The following SLC24A2 variants were observed in gnomAD, a reference collection of about 807,000 sequenced individuals.
The protein encoded by SLC24A2 is solute carrier family 24 member 2, also known as sodium/potassium/calcium exchanger 2.
A neutral mutation model predicts 62.0 loss-of-function variants in SLC24A2; 36 were observed. The ratio of observed to expected loss-of-function variants is 0.58; its 90% CI spans 0.44 to 0.77. SLC24A2 has a LOEUF of 0.77. Ranked by LOEUF, SLC24A2 falls within the 30% of genes least tolerant of loss-of-function variation. The probability of loss-of-function intolerance (pLI) is 0.00; values close to 1 mark genes in which losing one functional copy is unlikely to be tolerated. For missense variants in SLC24A2, 846 were observed against 817.9 expected (o/e 1.03, Z -0.42); for synonymous variants, 358 against 294.0 (o/e 1.22, Z -2.23).
chr9:19,997,591 A>C, the SLC24A2 span, among the ~76,000 whole-genome samples: 2 of 152,146 alleles, frequency 1.3e-5, no homozygotes, highest in Non-Finnish European at 2.9e-5. Flanking sequence ...CCAGTCACAG[A>C]TCCACTATTA....
the SLC24A2 span, among the ~76,000 whole-genome samples, chr9:20,101,978 T>A: frequency 3.3e-5 from 5 of 152,162 alleles, no homozygotes; most frequent in Admixed American, 1.3e-4. Context: ...TCTTTCAGTG[T>A]TCCTAGGAGC....
chr9:20,149,259 G>C, the SLC24A2 span, among the ~76,000 whole-genome samples: 31 of 152,116 alleles, frequency 2.0e-4, no homozygotes, highest in Non-Finnish European at 3.8e-4. Flanking sequence ...TGGCCGTTGG[G>C]ATTCAGTTCT....
chr9:19,550,975 G>A (rs537902232), intron 7 of SLC24A2, among the ~76,000 whole-genome samples: 3 of 152,134 alleles, frequency 2.0e-5, no homozygotes, highest in Admixed American at 6.5e-5. Flanking sequence ...TTCTATGTGT[G>A]GTAACATTCC....
the SLC24A2 span, among the ~76,000 whole-genome samples, chr9:20,050,650 C>T: frequency 6.6e-6 from 1 of 152,158 alleles, no homozygotes; most frequent in African/African-American, 2.4e-5. Context: ...AAAGATGTAT[C>T]AACTCTATTT....
At chr9:19,535,119 G>T (rs961820532) in intron 8 of SLC24A2, among the ~76,000 whole-genome samples, 1 of 152,156 alleles carries the variant, frequency 6.6e-6, no homozygotes, top group Non-Finnish European at 1.5e-5. Flanking sequence ...GTGATGATGA[G>T]CTTTTTTTTC....
chr9:19,767,265 G>T (rs1487225817), intron 2 of SLC24A2, among the ~76,000 whole-genome samples: 1 of 152,192 alleles, frequency 6.6e-6, no homozygotes, highest in Non-Finnish European at 1.5e-5. Context: ...TAGACCACTT[G>T]GCTCCCTGGC....
At chr9:20,221,984 A>G in the SLC24A2 span, among the ~76,000 whole-genome samples, 1 of 152,266 alleles carries the variant, frequency 6.6e-6, no homozygotes, top group South Asian at 2.1e-4. Flanking sequence ...CAGAAAATAA[A>G]TAAAAATAAT....
intron 2 of SLC24A2, among the ~76,000 whole-genome samples, chr9:19,695,667 G>A (rs1034830387): frequency 9.9e-6 from 1 of 100,668 alleles, no homozygotes; most frequent in Non-Finnish European, 1.8e-5. Context: ...TAGCAGCATT[G>A]CTTGTTAGTA....
chr9:20,228,182 G>A, the SLC24A2 span, among the ~76,000 whole-genome samples: 2 of 152,036 alleles, frequency 1.3e-5, no homozygotes, highest in Non-Finnish European at 2.9e-5. Context: ...TTTGTCACAG[G>A]ATTTGAGAAT....
the SLC24A2 span, among the ~76,000 whole-genome samples, chr9:19,990,634 AC>A: frequency 1.4e-5 from 2 of 146,950 alleles, no homozygotes; most frequent in African/African-American, 5.2e-5. Flanking sequence ...AAAAAACAAA[AC>A]AAAAAAAAAA....
At chr9:19,899,277 ACT>A in the SLC24A2 span, among the ~76,000 whole-genome samples, 259 of 152,166 alleles carry the variant, frequency 1.7e-3, no homozygotes, top group African/African-American at 6.1e-3. Context: ...TCAAAGACTG[ACT>A]CTCTGCAGGC....
At chr9:20,049,642 C>CATGTTAAGTATTAAGTT in the SLC24A2 span, among the ~76,000 whole-genome samples, 1 of 151,722 alleles carries the variant, frequency 6.6e-6, no homozygotes, top group African/African-American at 2.4e-5. Context: ...ACAAAGATGA[C>CATGTTAAGTATTAAGTT]AAATATGTTA....
chr9:19,794,523 C>T, the SLC24A2 span, among the ~76,000 whole-genome samples: 1 of 151,590 alleles, frequency 6.6e-6, no homozygotes, highest in Non-Finnish European at 1.5e-5. Context: ...CATCAAACCC[C>T]TGTGACATGC....
chr9:19,846,994 C>T, the SLC24A2 span, among the ~76,000 whole-genome samples: 1 of 151,926 alleles, frequency 6.6e-6, no homozygotes, highest in Non-Finnish European at 1.5e-5. Flanking sequence ...TGCTCTCCAG[C>T]CTGGGTGACA....
the SLC24A2 span, among the ~76,000 whole-genome samples, chr9:20,076,880 T>TATATATATATATATATATATATATAC: frequency 2.5e-5 from 3 of 120,548 alleles, no homozygotes; most frequent in African/African-American, 9.6e-5. Flanking sequence ...TATATATATA[T>TATATATATATATATATATATATATAC]ACATATCATA....
the SLC24A2 span, among the ~76,000 whole-genome samples, chr9:20,052,935 T>A: frequency 6.6e-6 from 1 of 152,180 alleles, no homozygotes; most frequent in Non-Finnish European, 1.5e-5. Flanking sequence ...TTAAACTGAA[T>A]TTCAATGAGT....
chr9:19,556,259 G>A (rs1162431591), intron 7 of SLC24A2, among the ~76,000 whole-genome samples: 1 of 151,616 alleles, frequency 6.6e-6, no homozygotes, highest in Non-Finnish European at 1.5e-5. Context: ...TTTGAATTTG[G>A]TATAGAAGTT....
chr9:19,769,234 T>G (rs576538691), intron 2 of SLC24A2, among the ~76,000 whole-genome samples: 1 of 152,204 alleles, frequency 6.6e-6, no homozygotes, highest in Non-Finnish European at 1.5e-5. Context: ...TCTCTTTTTA[T>G]CCTTCCCTCA....
Position 19,510,376 on chromosome 9 carries a change from C to G in SLC24A2, c.*5777G>C, listed in dbSNP as rs145070408. 2.1e-5 allele frequency: 3 copies of G among 139,830 alleles called. No individual in the cohort carries two copies. Among genetic ancestry groups the G allele is most frequent in the Admixed American group, 1.6e-4 (2 of 12,744 alleles). 8.7% of individuals were successfully genotyped at this position (139,830 alleles called of 1,614,324 possible). ...TGAAAATAGGTAAAGAGTCACATAG[C>G]GGTAACTTCCAACTATGGGGCAAAG... On this transcript the variant is annotated 3_prime_UTR_variant, in exon 11 of 11. Coordinates refer to ENST00000341998, the MANE Select transcript of SLC24A2 (RefSeq NM_020344.4).
Sources: gnomAD v4.1 joint callset for allele counts (sites outside exome capture counted in the v4.1 genomes callset) on GRCh38, gnomAD v4.1.1 for gene constraint, MANE v1.5 for transcripts, NCBI Gene and HGNC (gene_info 2026-07-23, HGNC 2026-07-21) for gene names.